Variants in LMF1 observed in about 807,000 individuals in gnomAD.
LMF1 encodes the protein transmembrane protein 112.
In LMF1, 68 loss-of-function variants were observed where a neutral mutation model predicts 60.6. The observed-to-expected ratio is 1.12, with a 90% CI of 0.92 to 1.37. The LOEUF is 1.37. LMF1 is among the 40% of genes most tolerant of loss of function. The pLI, the probability that LMF1 is intolerant of heterozygous loss-of-function variation, is 0.00. For missense variants in LMF1, 948 were observed against 767.2 expected, an observed-to-expected ratio of 1.24 and a Z score of -2.78; for synonymous variants, 418 against 324.7, an observed-to-expected ratio of 1.29 and a Z score of -3.09.
chr16:948,137 CAGCCAACGACAGAGTCAG>C (rs1436171398), intron 2 of LMF1, among the ~76,000 whole-genome samples: 2 of 143,828 alleles, frequency 1.4e-5, no homozygotes, highest in Non-Finnish European at 3.0e-5. Flanking sequence ...ACGACAAAGT[CAGCCAACGACAGAGTCAG>C]AGCCAACGAC....
chr16:910,152 G>C (rs1033709425), intron 4 of LMF1, among the ~76,000 whole-genome samples: 3 of 152,246 alleles, frequency 2.0e-5, no homozygotes, highest in Non-Finnish European at 4.4e-5. Context: ...GACGTCAAAA[G>C]GACCACGTCG....
intron 6 of LMF1, among the ~76,000 whole-genome samples, chr16:877,388 G>A (rs926095397): frequency 6.6e-6 from 1 of 152,214 alleles, no homozygotes; most frequent in Non-Finnish European, 1.5e-5. Context: ...CAGAGACCCT[G>A]GCGGCGCAGG....
At chr16:910,017 A>T (rs2071067427) in intron 4 of LMF1, among the ~76,000 whole-genome samples, 1 of 152,262 alleles carries the variant, frequency 6.6e-6, no homozygotes, top group African/African-American at 2.4e-5. Context: ...GCATATCTGT[A>T]CGACATGGTT....
intron 4 of LMF1, among the ~76,000 whole-genome samples, chr16:898,215 G>C (rs900980136): frequency 3.3e-5 from 5 of 152,228 alleles, no homozygotes; most frequent in African/African-American, 1.2e-4. Context: ...TGCAGACCAA[G>C]GGACCTGGAC....
At chr16:972,509 G>C (rs2073069250), upstream of LMF1, among the ~76,000 whole-genome samples, 1 of 152,180 alleles carries the variant, frequency 6.6e-6, no homozygotes, top group African/African-American at 2.4e-5. Context: ...GGCCGGCACA[G>C]CCCACACTGT....
chr16:948,525 G>T (rs1266602036), intron 2 of LMF1, among the ~76,000 whole-genome samples: 1 of 150,716 alleles, frequency 6.6e-6, no homozygotes, highest in Non-Finnish European at 1.5e-5. Context: ...CAGAGCCAAC[G>T]ACAGAGTCAG....
intron 2 of LMF1, among the ~76,000 whole-genome samples, chr16:949,443 G>A (rs370992053): frequency 0.035 from 4,891 of 137,792 alleles, 2 homozygotes; most frequent in African/African-American, 0.042. Context: ...TCAGGCCAAC[G>A]ACAGAGTCAG....
At chr16:856,983 G>A (rs949396779) in intron 10 of LMF1, among the ~76,000 whole-genome samples, 2 of 152,368 alleles carry the variant, frequency 1.3e-5, no homozygotes, top group South Asian at 4.1e-4. Context: ...CGGCCTCCTT[G>A]TGTGATTTCA....
At chr16:921,397 C>T (rs1484880392) in intron 3 of LMF1, among the ~76,000 whole-genome samples, 4 of 152,186 alleles carry the variant, frequency 2.6e-5, no homozygotes, top group Non-Finnish European at 5.9e-5. Flanking sequence ...CCTGCAGAGA[C>T]GTGGACAAGG....
At chr16:868,660 C>T (rs979858434) in intron 10 of LMF1, among the ~76,000 whole-genome samples, 9 of 151,426 alleles carry the variant, frequency 5.9e-5, no homozygotes, top group African/African-American at 1.5e-4. Flanking sequence ...AGCTGTGAGC[C>T]GGGGTCACCC....
chr16:930,138 C>T (rs55938491), intron 3 of LMF1, among the ~76,000 whole-genome samples: 14,440 of 133,698 alleles, frequency 0.11, 1,736 homozygotes, highest in African/African-American at 0.3. Context: ...TGGTGGCGTC[C>T]GTCTGAACGG....
intron 3 of LMF1, among the ~76,000 whole-genome samples, chr16:924,410 AT>A (rs113095907): frequency 2.0e-5 from 3 of 151,814 alleles, no homozygotes; most frequent in South Asian, 2.1e-4. Context: ...GCACATGCCC[AT>A]TTTTTTTTAA....
At chr16:932,892 C>T (rs2071832709) in intron 3 of LMF1, among the ~76,000 whole-genome samples, 1 of 151,286 alleles carries the variant, frequency 6.6e-6, no homozygotes, top group Non-Finnish European at 1.5e-5. Flanking sequence ...CTCGCTCCCA[C>T]ACGCGTGAGC....
intron 4 of LMF1, among the ~76,000 whole-genome samples, chr16:910,249 C>A (rs562690415): frequency 6.6e-6 from 1 of 152,186 alleles, no homozygotes; most frequent in Non-Finnish European, 1.5e-5. Flanking sequence ...TGTGATTCAC[C>A]GTTTGCAGGG....
At chr16:950,405 C>T (rs1251118359) in intron 2 of LMF1, among the ~76,000 whole-genome samples, 6 of 134,040 alleles carry the variant, frequency 4.5e-5, no homozygotes, top group Non-Finnish European at 6.2e-5. Flanking sequence ...TCAGAGCCAA[C>T]GACAGAGTCA....
At chr16:892,255 C>T (rs995922837) in intron 5 of LMF1, among the ~76,000 whole-genome samples, 8 of 152,184 alleles carry the variant, frequency 5.3e-5, no homozygotes, top group African/African-American at 1.9e-4. Flanking sequence ...CGTGCAGGTG[C>T]GAGTGACGGG....
At position 979,654 on chromosome 16, in the gene LMF1, C is replaced by T. The variant is rs1330480459; in HGVS notation, c.-135+1491G>A. The T allele has an allele frequency of 1.5e-5, 7 of 454,090 alleles. No individual in the cohort carries two copies. In the Admixed American group the frequency reaches 1.6e-4, roughly 11 times the overall value. 28.1% of individuals were successfully genotyped at this position (454,090 alleles called of 1,614,324 possible). ...GGTGGATGGGGAGCCAGGAAGAGGC[C>T]ACCCTGCCTGCTCGCAGACCTAATG... On this transcript the variant is annotated intron_variant, in intron 1 of 6. Coordinates refer to the LMF1 transcript ENST00000570014.
At chr16:915,065 C>T (rs1283012760) in intron 3 of LMF1, among the ~76,000 whole-genome samples, 1 of 152,244 alleles carries the variant, frequency 6.6e-6, no homozygotes, top group African/African-American at 2.4e-5. Context: ...AGGGTTTTCA[C>T]CATCTCGTGC....
rs74004016 is a variant in LMF1, at chr16:893,876, G to C, written c.664-804C>G. 5.0e-3 allele frequency among the ~76,000 whole-genome samples: 759 copies of C among 152,188 alleles called. 6 individuals are homozygous for C. The highest frequency in any genetic ancestry group is 0.017 in the African/African-American group (717 of 41,490). On this transcript the variant is annotated intron_variant, in intron 4 of 10. Transcript: ENST00000262301. ...CACATCCAGCGTCTCTCACACACTGGTGCATGGGAGGTGAAACTGCACAGA... is the reference window on the plus strand; with the variant it reads ...CACATCCAGCGTCTCTCACACACTGCTGCATGGGAGGTGAAACTGCACAGA...
Sources: allele counts gnomAD v4.1 joint callset (sites outside exome capture counted in the v4.1 genomes callset), GRCh38; gene constraint gnomAD v4.1.1; transcripts MANE v1.5; gene names NCBI Gene and HGNC (gene_info 2026-07-23, HGNC 2026-07-21).